SNTB1: variants seen among roughly 807,000 people sequenced by gnomAD.
SNTB1 encodes syntrophin beta 1, also known as beta-1-syntrophin.
SNTB1 carries 36 observed loss-of-function variants against 48.9 expected under a neutral mutation model. That is an observed-to-expected ratio of 0.74 (90% CI 0.56 to 0.97). SNTB1 has a LOEUF of 0.97. Among genes scored for constraint, SNTB1 ranks in the 50% least tolerant of loss-of-function variants. The pLI, the probability that SNTB1 is intolerant of heterozygous loss-of-function variation, is 0.00. For missense variants in SNTB1, 786 were observed against 703.4 expected (o/e 1.12, Z -1.33); for synonymous variants, 299 against 294.6 (o/e 1.01, Z -0.15).
At chr8:120,559,566 C>T (rs1163239263) in intron 4 of SNTB1, among the ~76,000 whole-genome samples, 1 of 152,150 alleles carries the variant, frequency 6.6e-6, no homozygotes, top group Non-Finnish European at 1.5e-5. Context: ...GGACATCAGG[C>T]CAAGTGTTTC....
chr8:120,644,670 A>T (rs914760078), intron 2 of SNTB1, among the ~76,000 whole-genome samples: 123 of 152,052 alleles, frequency 8.1e-4, no homozygotes, highest in Non-Finnish European at 1.5e-3. Context: ...TCCTTTGGGT[A>T]TATACCCAGT....
At chr8:120,565,402 A>G (rs1052934541) in intron 4 of SNTB1, among the ~76,000 whole-genome samples, 2 of 152,198 alleles carry the variant, frequency 1.3e-5, no homozygotes, top group Non-Finnish European at 2.9e-5. Context: ...TTGAGGCAAA[A>G]AGAGATTACA....
At chr8:120,632,957 G>T (rs552932388) in intron 2 of SNTB1, among the ~76,000 whole-genome samples, 1 of 152,280 alleles carries the variant, frequency 6.6e-6, no homozygotes, top group South Asian at 2.1e-4. Flanking sequence ...ATCATATGGA[G>T]ACTTCCAAAC....
At chr8:120,650,068 G>T (rs1370071487) in intron 2 of SNTB1, among the ~76,000 whole-genome samples, 1 of 152,174 alleles carries the variant, frequency 6.6e-6, no homozygotes, top group East Asian at 1.9e-4. Flanking sequence ...CCCACTGTCT[G>T]GCACTCCCTA....
chr8:120,662,431 C>T (rs1324210651), intron 2 of SNTB1, among the ~76,000 whole-genome samples: 1 of 152,188 alleles, frequency 6.6e-6, no homozygotes, highest in Non-Finnish European at 1.5e-5. Flanking sequence ...TTTGTTTCGA[C>T]TTCATTAGTT....
intron 1 of SNTB1, among the ~76,000 whole-genome samples, chr8:120,794,349 C>A (rs551148750): frequency 3.7e-4 from 57 of 152,112 alleles, no homozygotes; most frequent in Middle Eastern, 3.4e-3. Flanking sequence ...ATTTCTCAGA[C>A]CTTCACATAC....
chr8:120,786,367 G>T (rs1317339676), intron 1 of SNTB1, among the ~76,000 whole-genome samples: 1 of 152,158 alleles, frequency 6.6e-6, no homozygotes, highest in East Asian at 1.9e-4. Flanking sequence ...GCAGTGCTGG[G>T]TTCAGTGAGA....
intron 3 of SNTB1, among the ~76,000 whole-genome samples, chr8:120,614,976 TAAAAAA>T (rs61318757): frequency 5.7e-4 from 42 of 73,272 alleles, no homozygotes; most frequent in Admixed American, 4.8e-3. Flanking sequence ...TCACCTCTAC[TAAAAAA>T]AAAAAAAAAA....
chr8:120,679,870 T>G (rs1443555926), intron 2 of SNTB1, among the ~76,000 whole-genome samples: 1 of 151,786 alleles, frequency 6.6e-6, no homozygotes, highest in African/African-American at 2.4e-5. Context: ...TTTTTTTTTT[T>G]GCTTTCTTTT....
At chr8:120,671,869 T>C (rs1433308735) in intron 2 of SNTB1, among the ~76,000 whole-genome samples, 1 of 152,228 alleles carries the variant, frequency 6.6e-6, no homozygotes, top group African/African-American at 2.4e-5. Flanking sequence ...GATAGACTTA[T>C]TTTTCACTGC....
chr8:120,738,999 T>C (rs1333967063), intron 1 of SNTB1, among the ~76,000 whole-genome samples: 1 of 152,192 alleles, frequency 6.6e-6, no homozygotes, highest in Non-Finnish European at 1.5e-5. Context: ...ATAAGAATTG[T>C]TCTTCTGTTT....
At chr8:120,634,933 G>A (rs931212388) in intron 2 of SNTB1, among the ~76,000 whole-genome samples, 1 of 150,418 alleles carries the variant, frequency 6.6e-6, no homozygotes, top group Admixed American at 6.7e-5. Flanking sequence ...CTCACTGCAA[G>A]CTCCGCCTCC....
At chr8:120,672,956 C>T (rs558428410) in intron 2 of SNTB1, among the ~76,000 whole-genome samples, 5 of 152,256 alleles carry the variant, frequency 3.3e-5, no homozygotes, top group Admixed American at 2.6e-4. Context: ...TACCTCAGGT[C>T]CCCCACTTGA....
intron 1 of SNTB1, among the ~76,000 whole-genome samples, chr8:120,751,976 C>G (rs1819224790): frequency 6.6e-6 from 1 of 152,172 alleles, no homozygotes; most frequent in Admixed American, 6.6e-5. Context: ...TGTAGACGAT[C>G]TTGGCATTAT....
Position 120,589,337 on chromosome 8 carries a change from TTCC to T in SNTB1, c.997-14115_997-14113del, listed in dbSNP as rs548693531. The stretch of plus-strand genomic sequence containing the variant: ...GCTATGATAAGCTCTGCTCAGGGAT[TTCC>T]TCCTCCTCATTTCTTTCTAATGTTA... On this transcript the variant is annotated intron_variant, in intron 3 of 6. Coordinates refer to ENST00000517992, the MANE Select transcript of SNTB1 (RefSeq NM_021021.4). Among the ~76,000 whole-genome samples, 42 of 152,308 alleles carry T rather than the reference TTCC, an allele frequency of 2.8e-4. No homozygotes were observed. In the East Asian group the frequency reaches 6.0e-3, roughly 22 times the overall value.
chr8:120,587,206 G>A (rs1816158482), intron 3 of SNTB1, among the ~76,000 whole-genome samples: 1 of 149,856 alleles, frequency 6.7e-6, no homozygotes, highest in Non-Finnish European at 1.5e-5. Flanking sequence ...GGGCAACGGA[G>A]CGAGACTCTG....
intron 3 of SNTB1, among the ~76,000 whole-genome samples, chr8:120,589,286 G>A (rs1816201310): frequency 6.6e-6 from 1 of 152,124 alleles, no homozygotes. Flanking sequence ...CTGAATAAAG[G>A]TCCATCTGCC....
At chr8:120,744,335 A>T (rs757136902) in intron 1 of SNTB1, among the ~76,000 whole-genome samples, 55 of 152,142 alleles carry the variant, frequency 3.6e-4, no homozygotes, top group Non-Finnish European at 6.2e-4. Context: ...GCAAATGAAG[A>T]TCAATGTTAG....
chr8:120,635,092 A>G (rs1242700117), intron 2 of SNTB1, among the ~76,000 whole-genome samples: 1 of 152,162 alleles, frequency 6.6e-6, no homozygotes, highest in East Asian at 1.9e-4. Context: ...GGAATTTGCA[A>G]AGCCAGTCTC....
Sources: gnomAD v4.1 joint callset for allele counts (sites outside exome capture counted in the v4.1 genomes callset) on GRCh38, gnomAD v4.1.1 for gene constraint, MANE v1.5 for transcripts, NCBI Gene and HGNC (gene_info 2026-07-23, HGNC 2026-07-21) for gene names.